Variants in DPYD observed in about 807,000 individuals in gnomAD.
DPYD encodes dihydropyrimidine dehydrogenase [NADP(+)].
In DPYD, 109 loss-of-function variants were observed where a neutral mutation model predicts 116.2. The ratio of observed to expected loss-of-function variants is 0.94; its 90% CI spans 0.80 to 1.10. DPYD has a LOEUF of 1.10. Ranked by LOEUF, DPYD falls within the 50% of genes least tolerant of loss-of-function variation. The pLI is 0.00. For synonymous variants in DPYD, 440 were observed against 432.0 expected (o/e 1.02, Z -0.23); for missense variants, 1,302 against 1,254.5 (o/e 1.04, Z -0.57).
chr1:97,870,190 A>G (rs1019608276), intron 2 of DPYD, among the ~76,000 whole-genome samples: 44 of 151,916 alleles, frequency 2.9e-4, no homozygotes, highest in African/African-American at 1.0e-3. Flanking sequence ...ATCTAAATAG[A>G]TATTAGAAAT....
At chr1:97,393,209 T>C (rs1672811546) in intron 14 of DPYD, among the ~76,000 whole-genome samples, 2 of 152,040 alleles carry the variant, frequency 1.3e-5, no homozygotes, top group African/African-American at 4.8e-5. Context: ...TTTCTAGCTT[T>C]GGATTAAAGT....
At chr1:97,614,825 T>G (rs1054415671) in intron 8 of DPYD, among the ~76,000 whole-genome samples, 21 of 151,608 alleles carry the variant, frequency 1.4e-4, no homozygotes, top group African/African-American at 4.8e-4. Context: ...GTCTAGAAAA[T>G]TTTACAATTC....
At chr1:97,388,689 T>G (rs4950031) in intron 14 of DPYD, among the ~76,000 whole-genome samples, 7,291 of 152,174 alleles carry the variant, frequency 0.048, 276 homozygotes, top group East Asian at 0.17. Flanking sequence ...GAATAGAATA[T>G]GAAGAAGTAG....
intron 19 of DPYD, among the ~76,000 whole-genome samples, chr1:97,200,375 A>G (rs1659120431): frequency 6.6e-6 from 1 of 152,178 alleles, no homozygotes; most frequent in African/African-American, 2.4e-5. Context: ...GAGAATTACT[A>G]CATTTAAGCA....
intron 12 of DPYD, among the ~76,000 whole-genome samples, chr1:97,543,879 G>A (rs1451284981): frequency 1.3e-5 from 2 of 152,152 alleles, no homozygotes; most frequent in Admixed American, 6.5e-5. Context: ...GAGCACAAAG[G>A]AAGTTCATGT....
intron 19 of DPYD, among the ~76,000 whole-genome samples, chr1:97,219,337 C>A (rs1660634456): frequency 1.3e-5 from 2 of 152,044 alleles, no homozygotes; most frequent in African/African-American, 2.4e-5. Flanking sequence ...TCATCTGAAC[C>A]CTTGGGAAAA....
intron 3 of DPYD, among the ~76,000 whole-genome samples, chr1:97,804,868 ATAAC>A (rs2101352564): frequency 6.6e-6 from 1 of 152,066 alleles, no homozygotes; most frequent in South Asian, 2.1e-4. Context: ...AGACCAATTA[ATAAC>A]TAATTCTTAC....
At chr1:97,454,032 T>C (rs1236384818) in intron 13 of DPYD, among the ~76,000 whole-genome samples, 1 of 152,084 alleles carries the variant, frequency 6.6e-6, no homozygotes, top group Non-Finnish European at 1.5e-5. Flanking sequence ...TAGAATGGGT[T>C]AACTATCTGA....
At chr1:97,282,386 C>T (rs1025267774) in intron 18 of DPYD, among the ~76,000 whole-genome samples, 2 of 151,792 alleles carry the variant, frequency 1.3e-5, no homozygotes, top group African/African-American at 4.8e-5. Flanking sequence ...CTTTACAAAG[C>T]TTTCCTTTAC....
At chr1:97,428,807 T>C (rs1192253795) in intron 14 of DPYD, among the ~76,000 whole-genome samples, 1 of 152,018 alleles carries the variant, frequency 6.6e-6, no homozygotes, top group Non-Finnish European at 1.5e-5. Flanking sequence ...TGTAGGTGTT[T>C]TTATGTTTGC....
intron 20 of DPYD, among the ~76,000 whole-genome samples, chr1:97,126,390 C>T (rs143323752): frequency 2.0e-5 from 3 of 152,128 alleles, no homozygotes; most frequent in Non-Finnish European, 4.4e-5. Context: ...GCCTCCCTGG[C>T]CCCTTTCTCC....
chr1:97,561,237 G>C (rs1276401439), intron 11 of DPYD, among the ~76,000 whole-genome samples: 2 of 152,192 alleles, frequency 1.3e-5, no homozygotes, highest in Non-Finnish European at 2.9e-5. Context: ...TCAATGCAAA[G>C]AGAAAGCATC....
intron 2 of DPYD, among the ~76,000 whole-genome samples, chr1:97,846,571 T>C (rs965632046): frequency 6.6e-6 from 1 of 152,194 alleles, no homozygotes. Flanking sequence ...GAACACCTAG[T>C]TGGTGTCCTC....
At chr1:97,553,563 A>G (rs1180653387) in intron 11 of DPYD, among the ~76,000 whole-genome samples, 2 of 152,148 alleles carry the variant, frequency 1.3e-5, no homozygotes, top group African/African-American at 4.8e-5. Context: ...GAGTGAAAGC[A>G]TAAGTGAATG....
intron 16 of DPYD, among the ~76,000 whole-genome samples, chr1:97,333,767 G>A (rs892732236): frequency 2.7e-5 from 4 of 146,278 alleles, no homozygotes; most frequent in Non-Finnish European, 6.0e-5. Context: ...TGATCCACCC[G>A]CCTCGGCCTC....
chr1:97,480,430 TGATA>T (rs1438766658), intron 13 of DPYD, among the ~76,000 whole-genome samples: 10 of 152,166 alleles, frequency 6.6e-5, no homozygotes, highest in Admixed American at 2.0e-4. Flanking sequence ...AAAAAACTAA[TGATA>T]GTTATGTATA....
At chr1:97,088,686 T>C (rs1329780337) in intron 21 of DPYD, among the ~76,000 whole-genome samples, 2 of 152,198 alleles carry the variant, frequency 1.3e-5, no homozygotes, top group Non-Finnish European at 2.9e-5. Flanking sequence ...TGATAGATAC[T>C]GCTTCTCCCC....
At chr1:97,187,675 A>AT (rs1451261040) in intron 20 of DPYD, among the ~76,000 whole-genome samples, 3 of 151,680 alleles carry the variant, frequency 2.0e-5, no homozygotes, top group African/African-American at 7.3e-5. Context: ...TTTTCCTTAG[A>AT]TTTTTTTCTA....
chr1:97,203,676 A>ACCC (rs1659385949), intron 19 of DPYD, among the ~76,000 whole-genome samples: 6 of 16,396 alleles, frequency 3.7e-4, no homozygotes, highest in African/African-American at 1.4e-3. Context: ...CCCCCCCCCA[A>ACCC]AAAAAAAAAA....
Sources: gnomAD v4.1 joint callset for allele counts (sites outside exome capture counted in the v4.1 genomes callset) on GRCh38, gnomAD v4.1.1 for gene constraint, MANE v1.5 for transcripts, NCBI Gene and HGNC (gene_info 2026-07-23, HGNC 2026-07-21) for gene names.